The following SCN3A variants were observed in gnomAD, a reference collection of about 807,000 sequenced individuals.
SCN3A encodes the protein sodium channel protein type 3 subunit alpha.
In SCN3A, 60 loss-of-function variants were observed where a neutral mutation model predicts 187.6. The ratio of observed to expected loss-of-function variants is 0.32; its 90% confidence interval spans 0.26 to 0.40. The LOEUF (loss-of-function observed/expected upper bound fraction) is 0.40. Among genes scored for constraint, SCN3A ranks in the 10% least tolerant of loss-of-function variants. The pLI is 1.00. For missense variants in SCN3A, 1,601 were observed against 2,428.2 expected (o/e 0.66, Z 7.16); for synonymous variants, 788 against 829.2 (o/e 0.95, Z 0.85).
intron 1 of SCN3A, among the ~76,000 whole-genome samples, chr2:165,193,956 T>A (rs1691772213): frequency 2.0e-5 from 3 of 152,022 alleles, no homozygotes; most frequent in Admixed American, 6.6e-5. Flanking sequence ...AAAAAACCAA[T>A]CACATAAAGA....
intron 2 of SCN3A, among the ~76,000 whole-genome samples, chr2:165,180,321 T>C (rs1690764433): frequency 6.6e-6 from 1 of 152,158 alleles, no homozygotes; most frequent in Non-Finnish European, 1.5e-5. Flanking sequence ...GAGAGTCCAA[T>C]GTGGGAGGCA....
chr2:165,095,223 A>T (rs1461265337), intron 25 of SCN3A, among the ~76,000 whole-genome samples: 1 of 152,116 alleles, frequency 6.6e-6, no homozygotes. Context: ...AACTGGGTGG[A>T]GGTAATTCCT....
At chr2:165,139,340 C>T in intron 14 of SCN3A, 136 bp downstream of exon 14, 1 of 1,173,404 alleles carries the variant, frequency 8.5e-7, no homozygotes, top group Non-Finnish European at 1.2e-6. Flanking sequence ...TGATAATGTA[C>T]TCCATATATC....
chr2:165,177,694 T>TG lies in SCN3A; in HGVS notation c.-50-1251dup, dbSNP rs1574306228. ...TGAGAAAGAAGGGAAGGCAGACTGATGGAGTGGCCCTGCTCAATTTCTCAG... is the reference window on the plus strand; with the variant it reads ...TGAGAAAGAAGGGAAGGCAGACTGATGGGAGTGGCCCTGCTCAATTTCTCAG... On this transcript the variant is annotated intron_variant, in intron 2 of 27. Coordinates refer to ENST00000283254, the MANE Select transcript of SCN3A (RefSeq NM_006922.4). 1.3e-5 allele frequency among the ~76,000 whole-genome samples: 2 copies of TG among 152,224 alleles called. 1 individual carries two copies. Among genetic ancestry groups the TG allele is most frequent in the East Asian group, 3.9e-4 (2 of 5,176 alleles).
intron 17 of SCN3A, among the ~76,000 whole-genome samples, chr2:165,129,302 C>G (rs1687175796): frequency 1.3e-5 from 2 of 152,190 alleles, no homozygotes; most frequent in East Asian, 3.8e-4. Context: ...AAAGTAACTC[C>G]TTTGAGTCTG....
At chr2:165,144,781 A>G (rs1202575557) in intron 12 of SCN3A, among the ~76,000 whole-genome samples, 4 of 151,972 alleles carry the variant, frequency 2.6e-5, no homozygotes, top group Non-Finnish European at 5.9e-5. Context: ...TTTGGAAAAA[A>G]TTTCCATGAG....
chr2:165,113,051 T>C lies in SCN3A; in HGVS notation c.3677A>G (p.Glu1226Gly). 6.2e-7 allele frequency: 1 copy of C among 1,610,792 alleles called. No homozygotes were observed. The highest frequency in any genetic ancestry group is 8.5e-7 in the Non-Finnish European group (1 of 1,178,132). Residue 1226 changes from glutamate (E) to glycine (G), a missense_variant, in exon 21 of 28, where the codon GAA becomes GGA. By Grantham distance (98) the Glu-to-Gly change is moderately conservative (BLOSUM62 -2). This residue lies in a region of SCN3A where 267 missense variants were observed against 313.2 expected (regional missense o/e 0.85). Transcript: ENST00000283254. ...CTTTCGCTGTTCAATGTATATATCT[T>C]CAAAGGCCTATGAATCAAAAATATT... ...ILLSSGALAFEDIYIEQRKTI... is the reference protein window; with the variant it reads ...ILLSSGALAFGDIYIEQRKTI...
At chr2:165,177,792 T>C (rs1242551739) in intron 2 of SCN3A, among the ~76,000 whole-genome samples, 1 of 152,140 alleles carries the variant, frequency 6.6e-6, no homozygotes, top group Admixed American at 6.5e-5. Context: ...GCTATGTAAA[T>C]TTCGAAATAT....
chr2:165,130,048 G>A lies in SCN3A; in HGVS notation c.2814C>T (p.Arg938=), dbSNP rs1260624162. The A allele has an allele frequency of 5.6e-6, 9 of 1,614,096 alleles. No individual in the cohort carries two copies. Among genetic ancestry groups the A allele is most frequent in the East Asian group, 2.2e-5 (1 of 44,866 alleles). The change falls in exon 17 of 28, where the codon CGC becomes CGT. Residue 938 remains arginine, a synonymous_variant. Coordinates refer to ENST00000283254, the MANE Select transcript of SCN3A (RefSeq NM_006922.4). ...TCTCTATCCACTCTCCACACAGCACGCGGAACACAATCAGGAAGGAGTGGA... is the reference window on the plus strand; with the variant it reads ...TCTCTATCCACTCTCCACACAGCACACGGAACACAATCAGGAAGGAGTGGA... The part of the protein sequence containing the change: ...DFFHSFLIVF[R]VLCGEWIETM...
Position 165,092,204 on chromosome 2 carries a change from G to T in SCN3A, c.4807+50C>A, listed in dbSNP as rs758238021. 1 of 1,574,686 alleles carries T rather than the reference G, an allele frequency of 6.4e-7. No homozygotes were observed. The highest frequency in any genetic ancestry group is 8.7e-7 in the Non-Finnish European group (1 of 1,144,654). On this transcript the variant is annotated intron_variant, in intron 27 of 27. Transcript: ENST00000283254. This position sits in a 1 kb window ranked among gnomAD's most constrained non-coding sequence, Gnocchi z 4.2. Reference sequence around the variant, plus strand: ...ATGTTAATCAGCTAGAAGGTCCTGGGGCAACTGTTTCTCTGTAACTATACC... The same window carrying T: ...ATGTTAATCAGCTAGAAGGTCCTGGTGCAACTGTTTCTCTGTAACTATACC...
At chr2:165,115,368 C>A in intron 19 of SCN3A, 87 bp downstream of exon 19, 1 of 1,569,824 alleles carries the variant, frequency 6.4e-7, no homozygotes, top group Non-Finnish European at 8.7e-7. Context: ...CACCTCGTTT[C>A]ATAAATTTTT....
At chr2:165,091,650 A>G (rs1685113265) in intron 27 of SCN3A, among the ~76,000 whole-genome samples, 1 of 152,240 alleles carries the variant, frequency 6.6e-6, no homozygotes, top group Admixed American at 6.5e-5. Context: ...TGTGGCAATT[A>G]CAAACAAAAA....
At chr2:165,135,503 C>G (rs1278997262) in intron 15 of SCN3A, among the ~76,000 whole-genome samples, 1 of 151,964 alleles carries the variant, frequency 6.6e-6, no homozygotes, top group Admixed American at 6.6e-5. Flanking sequence ...TTTTAATGAG[C>G]AAATTATAAG....
At position 165,088,118 on chromosome 2, in the gene SCN3A, C is replaced by A. The variant is rs938799601; in HGVS notation, c.*2032G>T. On this transcript the variant is annotated 3_prime_UTR_variant, in exon 28 of 28. Transcript: ENST00000283254. The stretch of plus-strand genomic sequence containing the variant: ...AACAGCAAAAAACAAAAACAAAAAA[C>A]CCCAGAGGCCAATAAGTGAAATGCA... 2 of 152,326 alleles carry A rather than the reference C, an allele frequency of 1.3e-5. No homozygotes were observed. Among genetic ancestry groups the A allele is most frequent in the African/African-American group, 4.8e-5 (2 of 41,398 alleles). 9.4% of individuals were successfully genotyped at this position (152,326 alleles called of 1,614,324 possible). A position where few individuals can be genotyped will look rare whatever the true frequency, so the allele number is the denominator to read the frequency against.
In SCN3A at chr2:165,157,199, C is replaced by T. The variant is rs188446050; in HGVS notation, c.1032-1296G>A. On this transcript the variant is annotated intron_variant, in intron 9 of 27. Transcript: ENST00000283254. ...TGCTGGGATTACAGGCGAGAGCCAC[C>T]GTGCCCAGCCCTCAGTTTTTTTCTT... Among the ~76,000 whole-genome samples, 158 of 152,234 alleles carry T rather than the reference C, an allele frequency of 1.0e-3. 2 individuals carry two copies. The highest frequency in any genetic ancestry group is 7.5e-3 in the East Asian group (39 of 5,166).
intron 9 of SCN3A, among the ~76,000 whole-genome samples, chr2:165,157,717 T>C (rs7586796): frequency 0.23 from 34,469 of 152,150 alleles, 5,110 homozygotes; most frequent in East Asian, 0.52. Context: ...TTATTCTGCA[T>C]AGGATATTTG....
chr2:165,106,790 A>G (rs1685882004), intron 21 of SCN3A, among the ~76,000 whole-genome samples: 1 of 152,114 alleles, frequency 6.6e-6, no homozygotes, highest in Non-Finnish European at 1.5e-5. Context: ...TCCCACGGGG[A>G]GGCCTTTAAG....
At chr2:165,147,308 G>C (rs1688418110) in intron 11 of SCN3A, among the ~76,000 whole-genome samples, 1 of 148,906 alleles carries the variant, frequency 6.7e-6, no homozygotes, top group African/African-American at 2.5e-5. Flanking sequence ...GGTGACAACT[G>C]TTCTCTTCAA....
intron 21 of SCN3A, among the ~76,000 whole-genome samples, chr2:165,102,972 T>A (rs1685677757): frequency 6.6e-6 from 1 of 152,246 alleles, no homozygotes; most frequent in Non-Finnish European, 1.5e-5. Context: ...TTAAAATGAT[T>A]TTTCCACGCA....
Sources: allele counts gnomAD v4.1 joint callset (sites outside exome capture counted in the v4.1 genomes callset), GRCh38; gene constraint gnomAD v4.1.1; regional missense constraint gnomAD v4.1.1; non-coding constraint Gnocchi (gnomAD v3.1); transcripts MANE v1.5; gene names NCBI Gene and HGNC (gene_info 2026-07-23, HGNC 2026-07-21).